The following MCF2L2 variants were observed in gnomAD, a reference collection of about 807,000 sequenced individuals.
The protein encoded by MCF2L2 is MCF.2 cell line derived transforming sequence-like 2.
MCF2L2 carries 102 observed loss-of-function variants against 150.2 expected under a neutral mutation model. The ratio of observed to expected loss-of-function variants is 0.68; its 90% CI spans 0.58 to 0.80. The LOEUF (loss-of-function observed/expected upper bound fraction) is 0.80, where lower values mean the gene tolerates loss of function less well. MCF2L2 is among the 30% of genes least tolerant of loss of function. MCF2L2 has a pLI of 0.00. For missense variants in MCF2L2, 1,256 were observed against 1,372.8 expected, an observed-to-expected ratio of 0.91 and a Z score of 1.34; for synonymous variants, 465 against 491.3, an observed-to-expected ratio of 0.95 and a Z score of 0.71.
chr3:183,414,172 T>C (rs1046537755), intron 1 of MCF2L2, among the ~76,000 whole-genome samples: 4 of 152,200 alleles, frequency 2.6e-5, no homozygotes, highest in African/African-American at 4.8e-5. Flanking sequence ...CTTTAAATGG[T>C]TGGTAGAATT....
Position 183,197,633 on chromosome 3 carries a change from C to A in MCF2L2, c.2885-2378G>T, listed in dbSNP as rs1346741784. ...AATTAAATATTATAAGAATTAAAGT[C>A]TTTTGCTCTTCAAAAGTCACTCTTA... On this transcript the variant is annotated intron_variant, in intron 25 of 29. Coordinates refer to ENST00000328913, the MANE Select transcript of MCF2L2 (RefSeq NM_015078.4). The surrounding 1 kb of genome is among the most constrained non-coding windows in gnomAD (Gnocchi z 4.5). Among the ~76,000 whole-genome samples the A allele has an allele frequency of 6.6e-6, 1 of 152,120 alleles. No homozygotes were observed. Among genetic ancestry groups the A allele is most frequent in the Admixed American group, 6.6e-5 (1 of 15,264 alleles).
rs1284731086 is a variant in MCF2L2, at chr3:183,216,451, A to T, written c.2371-357T>A. 4.0e-4 allele frequency among the ~76,000 whole-genome samples: 57 copies of T among 141,490 alleles called. 1 individual carries two copies. In the East Asian group the frequency reaches 0.011, roughly 26 times the overall value. 92.8% of individuals were successfully genotyped at this position (141,490 alleles called of 152,430 possible). A position where few individuals can be genotyped will look rare whatever the true frequency, so the allele number is the denominator to read the frequency against. On this transcript the variant is annotated intron_variant, in intron 21 of 29. Transcript: ENST00000328913. ...TATTATATAAATATTTATATAGTAT[A>T]TTAAATATTTATATATTAATATATA...
intron 15 of MCF2L2, among the ~76,000 whole-genome samples, chr3:183,242,418 AC>A (rs1295182964): frequency 6.6e-6 from 1 of 152,098 alleles, no homozygotes; most frequent in African/African-American, 2.4e-5. Context: ...CAGCCCGGGG[AC>A]CCCTGCTCTA....
chr3:183,253,193 A>G (rs1576964307), intron 15 of MCF2L2: 1 of 150,034 alleles, frequency 6.7e-6, no homozygotes, highest in Non-Finnish European at 1.5e-5. Flanking sequence ...TGACGCCGAG[A>G]GTGCGGGGCG....
In MCF2L2 at chr3:183,180,062, A is replaced by G; in HGVS notation, c.3105+9T>C. ...AAGAAGATGAAAGAAACAAAAGGGA[A>G]GTAATTACACTCAGAGCACTGCTCT... On this transcript the variant is annotated intron_variant, in intron 28 of 29. Transcript: ENST00000328913. The G allele has an allele frequency of 6.3e-7, 1 of 1,595,976 alleles. No individual in the cohort carries two copies. The highest frequency in any genetic ancestry group is 8.6e-7 in the Non-Finnish European group (1 of 1,163,608).
At chr3:183,392,806 C>T (rs112236777) in intron 1 of MCF2L2, among the ~76,000 whole-genome samples, 1,869 of 152,302 alleles carry the variant, frequency 0.012, 42 homozygotes, top group African/African-American at 0.042. Context: ...TGCTCTACAC[C>T]AAGAGACACA....
Position 183,389,743 on chromosome 3 carries a change from G to A in MCF2L2, c.113C>T (p.Ala38Val), listed in dbSNP as rs1208034931. Residue 38 changes from alanine to valine, a missense_variant, in exon 2 of 30, where the codon GCG becomes GTG. By Grantham distance (64) the Ala-to-Val change is moderately conservative. Coordinates refer to ENST00000328913, the MANE Select transcript of MCF2L2 (RefSeq NM_015078.4). ...IMQQEVRPLM[A>V]VEIIEQLHRQ... is the part of the protein sequence containing the mutation. ...GTGAAGTTGTTCTATTATCTCCACC[G>A]CCATCAGGGGTCTGACTTCCTGCTG... is the stretch of plus-strand genomic sequence containing the variant. 6 of 1,614,004 alleles carry A rather than the reference G, an allele frequency of 3.7e-6. No homozygotes were observed. The highest frequency in any genetic ancestry group is 4.5e-5 in the East Asian group (2 of 44,892).
chr3:183,186,801 T>G (rs1273037152), intron 27 of MCF2L2, among the ~76,000 whole-genome samples: 3 of 152,084 alleles, frequency 2.0e-5, no homozygotes, highest in Admixed American at 6.6e-5. Flanking sequence ...CAAGTGATCC[T>G]CCTGCTTTGG....
chr3:183,212,855 C>T (rs947883368), intron 22 of MCF2L2, among the ~76,000 whole-genome samples: 23 of 150,186 alleles, frequency 1.5e-4, no homozygotes, highest in African/African-American at 4.9e-4. Flanking sequence ...GCTGTTTATT[C>T]GGCATCTGTT....
At chr3:183,396,420 T>C (rs367804624) in intron 1 of MCF2L2, among the ~76,000 whole-genome samples, 3 of 152,184 alleles carry the variant, frequency 2.0e-5, no homozygotes, top group African/African-American at 7.2e-5. Context: ...GCCAGTCCAA[T>C]AGAACCAAGC....
At chr3:183,394,933 G>A (rs969120984) in intron 1 of MCF2L2, among the ~76,000 whole-genome samples, 30 of 152,164 alleles carry the variant, frequency 2.0e-4, no homozygotes, top group Non-Finnish European at 4.3e-4. Context: ...GGTGATTATT[G>A]AGCACTTATG....
In MCF2L2 at chr3:183,341,631, C is replaced by T. The variant is rs145283103; in HGVS notation, c.276-1G>A. The T allele has an allele frequency of 6.2e-7, 1 of 1,611,452 alleles. No individual in the cohort carries two copies. The highest frequency in any genetic ancestry group is 1.3e-5 in the African/African-American group (1 of 74,892). On this transcript the variant is annotated splice_acceptor_variant, in intron 3 of 29. Transcript: ENST00000328913. LOFTEE classifies it high-confidence loss of function. ...GAATCCAATGCTGGCAGCCTCCACA[C>T]TGCAAAGAAGGGTGGTCAGTGTCAG...
At chr3:183,423,637 T>A (rs1275622635) in intron 1 of MCF2L2, among the ~76,000 whole-genome samples, 2 of 136,092 alleles carry the variant, frequency 1.5e-5, no homozygotes, top group African/African-American at 6.0e-5. Context: ...TATTTGTTTT[T>A]TTTTTTTTTT....
Position 183,351,222 on chromosome 3 carries a change from ATATATATATATATATT to A in MCF2L2, c.276-9608_276-9593del, listed in dbSNP as rs1296516009. Among the ~76,000 whole-genome samples, 26 of 90,150 alleles carry A rather than the reference ATATATATATATATATT, an allele frequency of 2.9e-4. 1 individual carries two copies. The highest frequency in any genetic ancestry group is 8.8e-4 in the Admixed American group (8 of 9,076). The allele number at this position is 90,150 out of a possible 152,430, so 59.1% of individuals were successfully genotyped here. ...TATATATATATATATATATATATATATATATATATATATATTTATTTATTTATTTATCAGAACCCCA... is the reference window on the plus strand; with the variant it reads ...TATATATATATATATATATATATATATATTTATTTATTTATCAGAACCCCA... On this transcript the variant is annotated intron_variant, in intron 3 of 29. Coordinates refer to ENST00000328913, the MANE Select transcript of MCF2L2 (RefSeq NM_015078.4).
At chr3:183,313,232 A>AACACACACACAC (rs111694523) in intron 7 of MCF2L2, among the ~76,000 whole-genome samples, 4 of 149,406 alleles carry the variant, frequency 2.7e-5, no homozygotes, top group African/African-American at 9.8e-5. Context: ...AGCTTCCAGC[A>AACACACACACAC]ACACACACAC....
intron 15 of MCF2L2, among the ~76,000 whole-genome samples, chr3:183,263,124 G>A (rs1309164559): frequency 6.6e-6 from 1 of 152,126 alleles, no homozygotes; most frequent in Non-Finnish European, 1.5e-5. Flanking sequence ...GGAATTTGAG[G>A]TCTCAGAAGA....
intron 9 of MCF2L2, 85 bp from the exon 10 acceptor site, chr3:183,309,920 A>G: frequency 6.6e-7 from 1 of 1,517,800 alleles, no homozygotes; most frequent in South Asian, 1.2e-5. Context: ...AAGAAAACTC[A>G]AAATTCCAAA....
chr3:183,258,801 A>AT (rs1476379416), intron 15 of MCF2L2, among the ~76,000 whole-genome samples: 1 of 152,136 alleles, frequency 6.6e-6, no homozygotes, highest in Non-Finnish European at 1.5e-5. Context: ...GTGCAGAGGC[A>AT]TGTAGCCTTG....
intron 22 of MCF2L2, 120 bp from the exon 23 acceptor site, chr3:183,207,943 G>A: frequency 1.3e-6 from 1 of 755,432 alleles, no homozygotes; most frequent in East Asian, 2.7e-5. Context: ...AATTCTAAAA[G>A]TGCTATTCAG....
Sources: allele counts gnomAD v4.1 joint callset (sites outside exome capture counted in the v4.1 genomes callset), GRCh38; gene constraint gnomAD v4.1.1; non-coding constraint Gnocchi (gnomAD v3.1); transcripts MANE v1.5; gene names NCBI Gene and HGNC (gene_info 2026-07-23, HGNC 2026-07-21).